The following GPC6 variants were observed in gnomAD, a reference collection of about 807,000 sequenced individuals.
GPC6 encodes the protein glypican-6.
Under a neutral mutation model 55.2 loss-of-function variants are expected in GPC6, and 14 were observed. That is an observed-to-expected ratio of 0.25 (90% CI 0.17 to 0.40). The LOEUF (loss-of-function observed/expected upper bound fraction) is 0.40, where lower values mean the gene tolerates loss of function less well. GPC6 is among the 10% of genes least tolerant of loss of function. The pLI is 1.00. For synonymous variants in GPC6, 278 were observed against 259.6 expected, an observed-to-expected ratio of 1.07 and a Z score of -0.68; for missense variants, 641 against 708.5, an observed-to-expected ratio of 0.90 and a Z score of 1.08.
At chr13:93,413,077 G>T (rs976368930) in intron 1 of GPC6, among the ~76,000 whole-genome samples, 1 of 152,144 alleles carries the variant, frequency 6.6e-6, no homozygotes, top group African/African-American at 2.4e-5. Flanking sequence ...ACAGAGAAAA[G>T]AAAATGTGAT....
intron 3 of GPC6, among the ~76,000 whole-genome samples, chr13:93,845,367 A>C (rs1888133087): frequency 6.8e-6 from 1 of 147,572 alleles, no homozygotes; most frequent in African/African-American, 2.5e-5. Context: ...AAATAGGAAC[A>C]CTTTTACACT....
chr13:93,816,773 T>C (rs1232117825), intron 2 of GPC6, among the ~76,000 whole-genome samples: 3 of 152,144 alleles, frequency 2.0e-5, no homozygotes, highest in Admixed American at 6.5e-5. Flanking sequence ...TAAATCGTTA[T>C]TATATATTTT....
At chr13:93,981,553 A>G (rs1316656593) in intron 3 of GPC6, among the ~76,000 whole-genome samples, 1 of 152,204 alleles carries the variant, frequency 6.6e-6, no homozygotes, top group Non-Finnish European at 1.5e-5. Context: ...AAGAAATCCT[A>G]TCGCTCTTTG....
chr13:93,866,744 A>C (rs1008584041), intron 3 of GPC6, among the ~76,000 whole-genome samples: 1 of 151,624 alleles, frequency 6.6e-6, no homozygotes, highest in Admixed American at 6.6e-5. Context: ...AGTAGGGAGA[A>C]AATCAGGAAA....
At chr13:94,193,241 G>A (rs1019420071) in intron 4 of GPC6, among the ~76,000 whole-genome samples, 2 of 152,082 alleles carry the variant, frequency 1.3e-5, no homozygotes, top group African/African-American at 4.8e-5. Context: ...TCTAATGACC[G>A]GAATGCCACC....
intron 3 of GPC6, among the ~76,000 whole-genome samples, chr13:93,886,903 TTTTTG>T (rs913529827): frequency 6.6e-6 from 1 of 152,074 alleles, no homozygotes; most frequent in African/African-American, 2.4e-5. Context: ...ATTTTAATTT[TTTTTG>T]TTTTGTTTTA....
At chr13:93,604,098 A>G (rs935964625) in intron 2 of GPC6, among the ~76,000 whole-genome samples, 1 of 152,210 alleles carries the variant, frequency 6.6e-6, no homozygotes, top group African/African-American at 2.4e-5. Context: ...TTGAAAGAAA[A>G]CTGATGCATG....
intron 3 of GPC6, among the ~76,000 whole-genome samples, chr13:94,002,639 A>G (rs189230635): frequency 5.2e-4 from 79 of 152,344 alleles, no homozygotes; most frequent in African/African-American, 1.9e-3. Flanking sequence ...ATTAAATGTC[A>G]GGAATCCTGA....
intron 3 of GPC6, among the ~76,000 whole-genome samples, chr13:93,869,956 G>C (rs1337670066): frequency 6.6e-6 from 1 of 151,812 alleles, no homozygotes; most frequent in Admixed American, 6.6e-5. Flanking sequence ...ACCTGAGGTG[G>C]GAGATGGCAA....
At chr13:94,159,631 G>A (rs1035609656) in intron 4 of GPC6, among the ~76,000 whole-genome samples, 1 of 152,042 alleles carries the variant, frequency 6.6e-6, no homozygotes, top group African/African-American at 2.4e-5. Context: ...ATTTGGGTGG[G>A]GACACAGCCA....
chr13:93,640,215 C>G (rs1879854634), intron 2 of GPC6, among the ~76,000 whole-genome samples: 1 of 151,864 alleles, frequency 6.6e-6, no homozygotes, highest in Non-Finnish European at 1.5e-5. Context: ...GCCCATGGCA[C>G]AAAAATGTTA....
At chr13:93,449,827 A>T (rs563179207) in intron 1 of GPC6, among the ~76,000 whole-genome samples, 85 of 152,034 alleles carry the variant, frequency 5.6e-4, no homozygotes, top group Non-Finnish European at 9.6e-4. Flanking sequence ...CAGTCAAAAA[A>T]AAAAAAGAGT....
chr13:93,665,955 C>G (rs1296026296), intron 2 of GPC6, among the ~76,000 whole-genome samples: 2 of 152,156 alleles, frequency 1.3e-5, no homozygotes, highest in African/African-American at 2.4e-5. Flanking sequence ...CAGTGCTATA[C>G]CCGTAAGTCA....
intron 4 of GPC6, among the ~76,000 whole-genome samples, chr13:94,087,929 G>C (rs534589802): frequency 1.6e-4 from 24 of 152,304 alleles, no homozygotes; most frequent in Admixed American, 7.2e-4. Flanking sequence ...ATGGGTACCA[G>C]CCTACAGAAT....
the GPC6 span, among the ~76,000 whole-genome samples, chr13:93,219,926 A>T: frequency 0.96 from 145,379 of 152,188 alleles, 69,780 homozygotes; most frequent in East Asian, 1. Flanking sequence ...TCAAAAAATT[A>T]TATCTTTCTG....
At chr13:94,112,963 A>G (rs1287337180) in intron 4 of GPC6, among the ~76,000 whole-genome samples, 1 of 152,062 alleles carries the variant, frequency 6.6e-6, no homozygotes, top group African/African-American at 2.4e-5. Context: ...GGGCCTGTTA[A>G]TTAGTTACCC....
intron 1 of GPC6, among the ~76,000 whole-genome samples, chr13:93,410,397 A>G (rs1876451434): frequency 6.6e-6 from 1 of 152,190 alleles, no homozygotes; most frequent in Non-Finnish European, 1.5e-5. Flanking sequence ...GTTGAAGAGC[A>G]GCTGGTAAAG....
rs141963788 is a variant in GPC6 at position 94,232,345 on chromosome 13, C to T, written c.878-54004C>T. Among the ~76,000 whole-genome samples the T allele has an allele frequency of 5.4e-4, 83 of 152,296 alleles. 1 individual carries two copies. Among genetic ancestry groups the T allele is most frequent in the East Asian group, 3.7e-3 (19 of 5,180 alleles). On this transcript the variant is annotated intron_variant, in intron 4 of 8. Transcript: ENST00000377047. ...ATGTCCTGCAATGCCATGGCACGTG[C>T]GCACACCCCAGAACACGGAGCAGTG...
intron 3 of GPC6, among the ~76,000 whole-genome samples, chr13:94,006,402 C>T (rs72644500): frequency 0.13 from 19,291 of 151,970 alleles, 1,446 homozygotes; most frequent in East Asian, 0.26. Flanking sequence ...TCCTCAGACC[C>T]GAGGCTTATA....
Sources: gnomAD v4.1 joint callset for allele counts (sites outside exome capture counted in the v4.1 genomes callset) on GRCh38, gnomAD v4.1.1 for gene constraint, MANE v1.5 for transcripts, NCBI Gene and HGNC (gene_info 2026-07-23, HGNC 2026-07-21) for gene names.